The following TTC29 variants were observed in gnomAD, a reference collection of about 807,000 sequenced individuals.
The protein encoded by TTC29 is tetratricopeptide repeat protein 29.
In TTC29, 49 loss-of-function variants were observed where a neutral mutation model predicts 58.1. The observed-to-expected ratio is 0.84, with a 90% CI of 0.67 to 1.07. The LOEUF is 1.07. Ranked by LOEUF, TTC29 falls within the 50% of genes least tolerant of loss-of-function variation. TTC29 has a pLI of 0.00. For missense variants in TTC29, 582 were observed against 555.6 expected, an observed-to-expected ratio of 1.05 and a Z score of -0.48; for synonymous variants, 209 against 196.8, an observed-to-expected ratio of 1.06 and a Z score of -0.52.
intron 2 of TTC29, among the ~76,000 whole-genome samples, chr4:146,942,010 C>G (rs1209886644): frequency 9.2e-5 from 14 of 152,134 alleles, no homozygotes; most frequent in Admixed American, 7.9e-4. Flanking sequence ...TGCAGAAGCA[C>G]TAAGACGAGA....
intron 11 of TTC29, among the ~76,000 whole-genome samples, chr4:146,714,574 A>G (rs2149995953): frequency 6.6e-6 from 1 of 151,982 alleles, no homozygotes; most frequent in East Asian, 1.9e-4. Flanking sequence ...CCCCAAGCTT[A>G]AGAAACTTAA....
At chr4:146,787,047 G>C (rs1487299978) in intron 11 of TTC29, among the ~76,000 whole-genome samples, 1 of 152,054 alleles carries the variant, frequency 6.6e-6, no homozygotes, top group Non-Finnish European at 1.5e-5. Context: ...CTTGAGCCCG[G>C]GAGTAAATTT....
At chr4:146,924,898 A>G (rs1734823910) in intron 4 of TTC29, among the ~76,000 whole-genome samples, 1 of 151,836 alleles carries the variant, frequency 6.6e-6, no homozygotes, top group Non-Finnish European at 1.5e-5. Flanking sequence ...ACAAATTTTG[A>G]CATGCTGTGT....
chr4:146,757,968 A>G (rs1746582553), intron 11 of TTC29, among the ~76,000 whole-genome samples: 1 of 152,182 alleles, frequency 6.6e-6, no homozygotes. Flanking sequence ...AAAGAGCACA[A>G]TGAATGCAAC....
chr4:146,839,295 T>C (rs1293938099), intron 8 of TTC29, among the ~76,000 whole-genome samples: 1 of 151,954 alleles, frequency 6.6e-6, no homozygotes, highest in Non-Finnish European at 1.5e-5. Flanking sequence ...AGCTAGGAAA[T>C]CATAGTTAAT....
chr4:146,760,489 A>G (rs1467651982), intron 11 of TTC29, among the ~76,000 whole-genome samples: 1 of 152,000 alleles, frequency 6.6e-6, no homozygotes, highest in Non-Finnish European at 1.5e-5. Flanking sequence ...ACCAAGAGTA[A>G]GCAAAAAGTA....
chr4:146,707,448 G>T (rs1379771259), intron 12 of TTC29, 37 bp downstream of exon 12: 2 of 1,472,228 alleles, frequency 1.4e-6, no homozygotes, highest in African/African-American at 2.8e-5. Context: ...GCGCAAAGTG[G>T]GTACTTAATA....
rs1443611620 is a variant in TTC29 at position 146,747,913 on chromosome 4, G to C, written c.1331-40362C>G. Among the ~76,000 whole-genome samples the C allele has an allele frequency of 3.9e-5, 6 of 152,304 alleles. No homozygotes were observed. The East Asian group carries it at 1.2e-3, about 29-fold the overall frequency. ...AGCTCCCCATAGTCTGAGCTGCTGA[G>C]GCACCTTGCCTCTCTGGGGAGTGGA... On this transcript the variant is annotated intron_variant, in intron 11 of 12. Coordinates refer to ENST00000325106, the MANE Select transcript of TTC29 (RefSeq NM_031956.4).
chr4:146,728,514 T>A (rs540900848), intron 11 of TTC29, among the ~76,000 whole-genome samples: 202 of 151,746 alleles, frequency 1.3e-3, no homozygotes, highest in Admixed American at 4.1e-3. Context: ...AATATCACCT[T>A]GCCTGAAAGG....
intron 10 of TTC29, 29 bp downstream of exon 10, chr4:146,820,096 C>T (rs889377172): frequency 1.2e-6 from 2 of 1,608,642 alleles, no homozygotes; most frequent in African/African-American, 2.7e-5. Flanking sequence ...CCGCAAATTT[C>T]TCTATAAACA....
At chr4:146,851,975 G>A (rs559905854) in intron 8 of TTC29, among the ~76,000 whole-genome samples, 180 of 152,240 alleles carry the variant, frequency 1.2e-3, no homozygotes, top group African/African-American at 4.0e-3. Flanking sequence ...TCACTCTGTC[G>A]CCCAGACTGG....
chr4:146,753,486 C>T (rs1487151247), intron 11 of TTC29, among the ~76,000 whole-genome samples: 6 of 152,144 alleles, frequency 3.9e-5, no homozygotes, highest in Non-Finnish European at 8.8e-5. Flanking sequence ...TTGTGGAATT[C>T]GGTGTGGCGA....
At chr4:146,912,558 T>C (rs1427477859) in intron 4 of TTC29, among the ~76,000 whole-genome samples, 4 of 152,120 alleles carry the variant, frequency 2.6e-5, no homozygotes, top group Non-Finnish European at 5.9e-5. Context: ...AACTGCCGAA[T>C]TGGACTGACT....
At position 146,774,080 on chromosome 4, in the gene TTC29, G is replaced by A. The variant is rs183021552; in HGVS notation, c.1330+29377C>T. Among the ~76,000 whole-genome samples, 9 of 152,024 alleles carry A rather than the reference G, an allele frequency of 5.9e-5. No individual in the cohort carries two copies. The East Asian group carries it at 1.7e-3, about 29-fold the overall frequency. On this transcript the variant is annotated intron_variant, in intron 11 of 12. Coordinates refer to ENST00000325106, the MANE Select transcript of TTC29 (RefSeq NM_031956.4). ...TACTTGTATATGTGTGGTGTTGGAG[G>A]TCATGACTCATTTGTCATTTCTGAT...
intron 10 of TTC29, among the ~76,000 whole-genome samples, chr4:146,814,911 G>A (rs976914278): frequency 2.0e-5 from 3 of 152,014 alleles, no homozygotes; most frequent in Non-Finnish European, 2.9e-5. Context: ...TCTAAGGCAG[G>A]AACTAGCTTA....
rs766037364 is a variant in TTC29 at position 146,707,554 on chromosome 4, A to G, written c.1331-3T>C. The G allele has an allele frequency of 2.0e-6, 2 of 1,014,952 alleles. No individual in the cohort carries two copies. The highest frequency in any genetic ancestry group is 5.2e-5 in the Admixed American group (2 of 38,234). 62.9% of individuals were successfully genotyped at this position (1,014,952 alleles called of 1,614,324 possible). ...CACTGTGGATCCTCTAAACTCTTCT[A>G]AAAAAAAAATACACAAAGTTAATAG... is the stretch of plus-strand genomic sequence containing the variant. On this transcript the variant is annotated splice_region_variant and splice_polypyrimidine_tract_variant and intron_variant, in intron 11 of 12. Coordinates refer to ENST00000325106, the MANE Select transcript of TTC29 (RefSeq NM_031956.4).
chr4:146,789,943 A>C (rs1018685019), intron 11 of TTC29, among the ~76,000 whole-genome samples: 22 of 152,178 alleles, frequency 1.4e-4, no homozygotes, highest in African/African-American at 4.6e-4. Context: ...ACGGCTTACA[A>C]GGCCTAAATT....
intron 10 of TTC29, among the ~76,000 whole-genome samples, chr4:146,814,674 C>T (rs1196817003): frequency 7.2e-6 from 1 of 138,520 alleles, no homozygotes; most frequent in Non-Finnish European, 1.5e-5. Flanking sequence ...TGCAGCGAGC[C>T]GAAATTGTGC....
intron 8 of TTC29, among the ~76,000 whole-genome samples, chr4:146,836,071 GA>G (rs1334849618): frequency 1.3e-5 from 2 of 152,098 alleles, no homozygotes; most frequent in Non-Finnish European, 2.9e-5. Flanking sequence ...TTTGGGCCAG[GA>G]AATCTCTTTA....
Sources: gnomAD v4.1 joint callset for allele counts (sites outside exome capture counted in the v4.1 genomes callset) on GRCh38, gnomAD v4.1.1 for gene constraint, MANE v1.5 for transcripts, NCBI Gene and HGNC (gene_info 2026-07-23, HGNC 2026-07-21) for gene names.